Variants in DPP4 observed in about 807,000 individuals in gnomAD.
DPP4 encodes the protein dipeptidyl peptidase 4.
A neutral mutation model predicts 122.4 loss-of-function variants in DPP4; 93 were observed. The observed-to-expected ratio is 0.76, with a 90% CI of 0.64 to 0.90. The LOEUF is 0.90. Among genes scored for constraint, DPP4 ranks in the 40% least tolerant of loss-of-function variants. The pLI is 0.00. For missense variants in DPP4, 914 were observed against 907.3 expected (o/e 1.01, Z -0.09); for synonymous variants, 321 against 302.9 (o/e 1.06, Z -0.62).
At chr2:162,053,197 G>A (rs1684443690) in intron 2 of DPP4, among the ~76,000 whole-genome samples, 1 of 152,196 alleles carries the variant, frequency 6.6e-6, no homozygotes, top group Non-Finnish European at 1.5e-5. Context: ...CAATGTTTAA[G>A]TTTAATAAGG....
At chr2:162,055,685 A>G (rs1371155739) in intron 2 of DPP4, among the ~76,000 whole-genome samples, 4 of 151,740 alleles carry the variant, frequency 2.6e-5, no homozygotes, top group Non-Finnish European at 5.9e-5. Context: ...AAAAAAAAAA[A>G]AGAACACTGT....
At chr2:162,066,945 C>T (rs145783096) in intron 2 of DPP4, among the ~76,000 whole-genome samples, 1 of 152,350 alleles carries the variant, frequency 6.6e-6, no homozygotes, top group Non-Finnish European at 1.5e-5. Context: ...CATTAGGCCT[C>T]ACCTCCAACA....
At chr2:162,046,836 G>T (rs138963412) in intron 4 of DPP4, 79 bp downstream of exon 4, 64 of 905,176 alleles carry the variant, frequency 7.1e-5, no homozygotes, top group Non-Finnish European at 1.1e-4. Flanking sequence ...GTTGAGAAAT[G>T]ACAGTACTCG....
chr2:162,042,378 G>A (rs1357615111), intron 5 of DPP4, among the ~76,000 whole-genome samples: 1 of 152,140 alleles, frequency 6.6e-6, no homozygotes, highest in East Asian at 1.9e-4. Context: ...ACCAGACTGT[G>A]GGGGTACTTA....
chr2:162,039,200 G>A lies in DPP4; in HGVS notation c.367-16C>T. The A allele has an allele frequency of 3.1e-6, 5 of 1,610,912 alleles. No homozygotes were observed. Among genetic ancestry groups the A allele is most frequent in the Non-Finnish European group, 4.2e-6 (5 of 1,178,506 alleles). On this transcript the variant is annotated splice_polypyrimidine_tract_variant and intron_variant, in intron 5 of 25. Transcript: ENST00000360534. ...GCCTCCATTGCTATGAAAGAAAACA[G>A]ACATTTCAGGCTTCTGTGATACTTG...
intron 5 of DPP4, among the ~76,000 whole-genome samples, chr2:162,040,752 TA>T (rs1683954732): frequency 6.6e-6 from 1 of 152,054 alleles, no homozygotes; most frequent in Non-Finnish European, 1.5e-5. Context: ...ACTATGGACT[TA>T]AATTAATAAT....
At chr2:162,035,142 C>G in intron 9 of DPP4, 22 bp downstream of exon 9, 2 of 1,594,150 alleles carry the variant, frequency 1.3e-6, no homozygotes, top group Non-Finnish European at 1.7e-6. Flanking sequence ...CATGGAACCA[C>G]TGTACAAACA....
intron 11 of DPP4, 96 bp downstream of exon 11, chr2:162,024,708 C>A (rs1261093544): frequency 1.4e-6 from 2 of 1,480,244 alleles, no homozygotes; most frequent in Non-Finnish European, 1.8e-6. Context: ...GAAACTCAAA[C>A]TTCATTTCCT....
At chr2:162,049,897 A>C (rs1362596880) in intron 2 of DPP4, among the ~76,000 whole-genome samples, 4 of 152,230 alleles carry the variant, frequency 2.6e-5, no homozygotes, top group Admixed American at 1.3e-4. Flanking sequence ...GATTTTATTT[A>C]AACCTTGTTC....
chr2:162,026,918 T>TTTA (rs1683349996), intron 10 of DPP4, among the ~76,000 whole-genome samples: 1 of 152,168 alleles, frequency 6.6e-6, no homozygotes, highest in Admixed American at 6.5e-5. Context: ...GAGTTAAGTA[T>TTTA]TTTAAGCATT....
intron 2 of DPP4, among the ~76,000 whole-genome samples, chr2:162,068,963 T>A (rs1685032319): frequency 6.6e-6 from 1 of 152,074 alleles, no homozygotes; most frequent in African/African-American, 2.4e-5. Flanking sequence ...TGGAAGGGGA[T>A]CCTTCAGCCC....
chr2:162,004,283 C>T, intron 23 of DPP4, among the ~76,000 whole-genome samples: 1 of 151,898 alleles, frequency 6.6e-6, no homozygotes, highest in East Asian at 1.9e-4. Flanking sequence ...GGAGACAAAT[C>T]GGGTTATTGT....
chr2:162,058,469 T>C (rs1251150978), intron 2 of DPP4, among the ~76,000 whole-genome samples: 1 of 152,224 alleles, frequency 6.6e-6, no homozygotes, highest in Non-Finnish European at 1.5e-5. Context: ...AGTGAAACTT[T>C]CAATTCCTCA....
In DPP4 at chr2:162,016,987, C is replaced by CTTG. The variant is rs1682948923; in HGVS notation, c.1468+118_1468+120dup. ...ACTACACATACTTCAGGTTATAAGG[C>CTTG]TTGTGTTCAACTCATTGTCAAGACA... On this transcript the variant is annotated intron_variant, in intron 17 of 25. Coordinates refer to ENST00000360534, the MANE Select transcript of DPP4 (RefSeq NM_001935.4). 7.1e-6 allele frequency: 10 copies of CTTG among 1,406,838 alleles called. No homozygotes were observed. The East Asian group carries it at 2.3e-4, about 33-fold the overall frequency. The allele number at this position is 1,406,838 out of a possible 1,614,324, so 87.1% of individuals were successfully genotyped here. A position where few individuals can be genotyped will look rare whatever the true frequency, so the allele number is the denominator to read the frequency against.
At chr2:162,039,070 G>A in intron 6 of DPP4, 49 bp from the exon 7 acceptor site, 1 of 1,611,196 alleles carries the variant, frequency 6.2e-7, no homozygotes, top group Non-Finnish European at 8.5e-7. Flanking sequence ...AACTCACATT[G>A]GGGTTTCCTT....
chr2:162,054,865 C>T (rs1246780258), intron 2 of DPP4, among the ~76,000 whole-genome samples: 1 of 152,000 alleles, frequency 6.6e-6, no homozygotes, highest in Non-Finnish European at 1.5e-5. Flanking sequence ...GACTAATAGC[C>T]CATGGGGATT....
rs1352476433 is a variant in DPP4 at position 162,004,342 on chromosome 2, G to A, written c.2052+1403C>T. 2.0e-5 allele frequency among the ~76,000 whole-genome samples: 3 copies of A among 152,138 alleles called. No homozygotes were observed. In the East Asian group the frequency reaches 5.8e-4, roughly 29 times the overall value. On this transcript the variant is annotated intron_variant, in intron 23 of 25. Transcript: ENST00000360534. ...ACAATAGCAATGTGGTTATGAAGAAGGAAATGAGTGTCTAAAGCAGCTTAT... is the reference window on the plus strand; with the variant it reads ...ACAATAGCAATGTGGTTATGAAGAAAGAAATGAGTGTCTAAAGCAGCTTAT...
chr2:162,067,820 A>G (rs6727102), intron 2 of DPP4, among the ~76,000 whole-genome samples: 42,522 of 152,126 alleles, frequency 0.28, 6,534 homozygotes, highest in Non-Finnish European at 0.35. Context: ...TTAGCATCCA[A>G]CCATAAAGTA....
At chr2:162,000,688 C>T (rs1163693889) in intron 23 of DPP4, among the ~76,000 whole-genome samples, 6 of 152,232 alleles carry the variant, frequency 3.9e-5, no homozygotes, top group Non-Finnish European at 8.8e-5. Context: ...CTGTTTCATA[C>T]ACTTGCCAAA....
Sources: gnomAD v4.1 joint callset for allele counts (sites outside exome capture counted in the v4.1 genomes callset) on GRCh38, gnomAD v4.1.1 for gene constraint, MANE v1.5 for transcripts, NCBI Gene and HGNC (gene_info 2026-07-23, HGNC 2026-07-21) for gene names.